The following DCC variants were observed in gnomAD, a reference collection of about 807,000 sequenced individuals.
DCC encodes the protein DCC netrin 1 receptor, also known as netrin receptor DCC.
A neutral mutation model predicts 172.5 loss-of-function variants in DCC; 58 were observed. The ratio of observed to expected loss-of-function variants is 0.34; its 90% CI spans 0.27 to 0.42. The LOEUF is 0.42. Ranked by LOEUF, DCC falls within the 10% of genes least tolerant of loss-of-function variation. The pLI is 1.00. For synonymous variants in DCC, 709 were observed against 644.5 expected, an observed-to-expected ratio of 1.10 and a Z score of -1.52; for missense variants, 1,740 against 1,791.0, an observed-to-expected ratio of 0.97 and a Z score of 0.51.
chr18:52,601,423 G>A (rs1237322141), intron 1 of DCC, among the ~76,000 whole-genome samples: 2 of 151,858 alleles, frequency 1.3e-5, no homozygotes, highest in Admixed American at 6.6e-5. Context: ...CTAATCTCCT[G>A]TTATCTTACT....
intron 5 of DCC, among the ~76,000 whole-genome samples, chr18:52,993,266 T>C (rs534976798): frequency 1.3e-5 from 2 of 152,324 alleles, no homozygotes; most frequent in East Asian, 3.9e-4. Context: ...TAACTGGTTA[T>C]AGCCAGTTTT....
At chr18:53,044,225 G>T (rs1294349607) in intron 5 of DCC, among the ~76,000 whole-genome samples, 1 of 151,824 alleles carries the variant, frequency 6.6e-6, no homozygotes, top group African/African-American at 2.4e-5. Flanking sequence ...TTCCATGTTT[G>T]CTTGATGTAT....
At chr18:53,164,217 A>G (rs2054883791) in intron 8 of DCC, among the ~76,000 whole-genome samples, 1 of 152,136 alleles carries the variant, frequency 6.6e-6, no homozygotes, top group Non-Finnish European at 1.5e-5. Context: ...TTTATTTACC[A>G]CTAATAAAAC....
chr18:53,285,430 G>A (rs1469024027), intron 12 of DCC, among the ~76,000 whole-genome samples: 3 of 152,184 alleles, frequency 2.0e-5, no homozygotes, highest in Non-Finnish European at 4.4e-5. Context: ...CCAAACCTTG[G>A]AAGCTTCTAC....
intron 15 of DCC, among the ~76,000 whole-genome samples, chr18:53,384,502 C>A (rs988865499): frequency 6.6e-6 from 1 of 152,130 alleles, no homozygotes; most frequent in Admixed American, 6.5e-5. Flanking sequence ...TTATCACTTT[C>A]TCCTGAATCC....
chr18:53,124,238 A>C (rs1427823925), intron 7 of DCC, among the ~76,000 whole-genome samples: 1 of 152,112 alleles, frequency 6.6e-6, no homozygotes, highest in Non-Finnish European at 1.5e-5. Context: ...TCTCTAGAAC[A>C]CTACAACTAA....
rs1179842447 is a variant in DCC at position 53,086,556 on chromosome 18, CCTT to C, written c.1261+20406_1261+20408del. 8.2e-4 allele frequency among the ~76,000 whole-genome samples: 33 copies of C among 40,036 alleles called. 6 individuals carry two copies. The highest frequency in any genetic ancestry group is 7.4e-4 in the Non-Finnish European group (16 of 21,484). The allele number at this position is 40,036 out of a possible 152,430, so 26.3% of individuals were successfully genotyped here. On this transcript the variant is annotated intron_variant, in intron 7 of 28. Coordinates refer to ENST00000442544, the MANE Select transcript of DCC (RefSeq NM_005215.4). The stretch of plus-strand genomic sequence containing the variant: ...CTTCTTCTTCTTCTTTCTTCTTCTT[CCTT>C]CTTCTTCTTCTTCTTTCTTCTTCTT...
chr18:52,465,471 G>C (rs1255343346), intron 1 of DCC, among the ~76,000 whole-genome samples: 1 of 152,126 alleles, frequency 6.6e-6, no homozygotes, highest in Non-Finnish European at 1.5e-5. Flanking sequence ...TATTTCCTGA[G>C]TCTCACAGTT....
chr18:52,453,557 C>T (rs1988371581), intron 1 of DCC, among the ~76,000 whole-genome samples: 1 of 152,158 alleles, frequency 6.6e-6, no homozygotes, highest in Non-Finnish European at 1.5e-5. Context: ...TGCATTTCTG[C>T]AGACCAAAGT....
chr18:53,315,922 G>C (rs998187916), intron 13 of DCC, among the ~76,000 whole-genome samples: 1 of 152,104 alleles, frequency 6.6e-6, no homozygotes, highest in Non-Finnish European at 1.5e-5. Context: ...TAGGTTACCT[G>C]TTCACTCTGA....
chr18:52,828,778 C>G (rs2038559774), intron 2 of DCC, among the ~76,000 whole-genome samples: 1 of 152,036 alleles, frequency 6.6e-6, no homozygotes, highest in African/African-American at 2.4e-5. Context: ...CTTCAGGGAG[C>G]CAGTTACTTT....
chr18:52,855,946 G>C (rs1168977901), intron 2 of DCC, among the ~76,000 whole-genome samples: 1 of 151,612 alleles, frequency 6.6e-6, no homozygotes, highest in Admixed American at 6.6e-5. Context: ...TTTATTTTTA[G>C]TAGAGACGGG....
At chr18:53,388,034 A>G (rs1908287322) in intron 16 of DCC, among the ~76,000 whole-genome samples, 1 of 152,196 alleles carries the variant, frequency 6.6e-6, no homozygotes, top group African/African-American at 2.4e-5. Flanking sequence ...CTAGCATATG[A>G]CATTCCCAAG....
At chr18:52,555,621 G>C (rs1052684940) in intron 1 of DCC, among the ~76,000 whole-genome samples, 1 of 151,974 alleles carries the variant, frequency 6.6e-6, no homozygotes, top group African/African-American at 2.4e-5. Flanking sequence ...TTTGATATTG[G>C]CCATTAATAA....
intron 12 of DCC, among the ~76,000 whole-genome samples, chr18:53,240,042 AAAAAAAAAC>A (rs1251901437): frequency 7.2e-6 from 1 of 139,468 alleles, no homozygotes; most frequent in African/African-American, 2.5e-5. Flanking sequence ...AAAAAAAAAA[AAAAAAAAAC>A]AACAAAACAC....
intron 15 of DCC, among the ~76,000 whole-genome samples, chr18:53,357,942 T>C (rs2057896108): frequency 6.6e-6 from 1 of 152,208 alleles, no homozygotes; most frequent in Non-Finnish European, 1.5e-5. Flanking sequence ...AGAGAATCCC[T>C]GCTTATTCTT....
intron 7 of DCC, among the ~76,000 whole-genome samples, chr18:53,131,141 T>C (rs1452221595): frequency 6.6e-6 from 1 of 152,072 alleles, no homozygotes; most frequent in Non-Finnish European, 1.5e-5. Context: ...ATGAGGGTTT[T>C]GAGGGTAAAA....
chr18:53,488,383 T>TA (rs1409874303), intron 26 of DCC, among the ~76,000 whole-genome samples: 13 of 151,280 alleles, frequency 8.6e-5, no homozygotes, highest in Admixed American at 2.0e-4. Flanking sequence ...TATTTCAAAT[T>TA]AAAAAAAAAG....
At chr18:52,693,114 TTACAGATAAC>T (rs2035956284) in intron 1 of DCC, among the ~76,000 whole-genome samples, 1 of 151,918 alleles carries the variant, frequency 6.6e-6, no homozygotes, top group African/African-American at 2.4e-5. Flanking sequence ...GTTAGGGAAG[TTACAGATAAC>T]TACAAGGCAA....
Sources: allele counts gnomAD v4.1 joint callset (sites outside exome capture counted in the v4.1 genomes callset), GRCh38; gene constraint gnomAD v4.1.1; transcripts MANE v1.5; gene names NCBI Gene and HGNC (gene_info 2026-07-23, HGNC 2026-07-21).